Variants in ZSCAN5A observed in about 807,000 individuals in gnomAD.
ZSCAN5A encodes zinc finger and SCAN domain-containing protein 5A.
Under a neutral mutation model 23.7 loss-of-function variants are expected in ZSCAN5A, and 12 were observed. The ratio of observed to expected loss-of-function variants is 0.51; its 90% CI spans 0.32 to 0.82. ZSCAN5A has a LOEUF of 0.82. Ranked by LOEUF, ZSCAN5A falls within the 40% of genes least tolerant of loss-of-function variation. ZSCAN5A has a pLI of 0.03. For synonymous variants in ZSCAN5A, 257 were observed against 239.9 expected, an observed-to-expected ratio of 1.07 and a Z score of -0.66; for missense variants, 597 against 617.9, an observed-to-expected ratio of 0.97 and a Z score of 0.36.
chr19:56,350,540 C>T (rs2041661111), intron 2 of ZSCAN5A, among the ~76,000 whole-genome samples: 1 of 152,188 alleles, frequency 6.6e-6, no homozygotes, highest in African/African-American at 2.4e-5. Context: ...TAAAAATGGC[C>T]TAGGCCTAAA....
intron 2 of ZSCAN5A, among the ~76,000 whole-genome samples, chr19:56,292,866 G>A (rs2039611614): frequency 6.6e-6 from 1 of 152,212 alleles, no homozygotes; most frequent in South Asian, 2.1e-4. Context: ...TGTCCTCAAG[G>A]TTCAGCCACA....
Position 56,223,816 on chromosome 19 carries a change from C to A in ZSCAN5A, c.403G>T (p.Gly135Ter). Residue 135 changes from glycine to a stop codon, truncating the protein, a stop_gained, in exon 4 of 6, where the codon GGA becomes TGA. Coordinates refer to ENST00000683990, the MANE Select transcript of ZSCAN5A (RefSeq NM_001322064.3). LOFTEE classifies it high-confidence loss of function. The part of the protein sequence containing the change: ...PKKWSVVTFH[G>*]KEYIVQDSDI... Reference sequence around the variant, plus strand: ...GAGTCCTGCACAATATATTCCTTTCCGTGGAAGGTGACCACAGACTGTAGA... The same window carrying A: ...GAGTCCTGCACAATATATTCCTTTCAGTGGAAGGTGACCACAGACTGTAGA... 6.2e-7 allele frequency: 1 copy of A among 1,612,616 alleles called. No homozygotes were observed. The highest frequency in any genetic ancestry group is 8.5e-7 in the Non-Finnish European group (1 of 1,179,954).
At chr19:56,298,693 G>T (rs1161712975) in intron 2 of ZSCAN5A, among the ~76,000 whole-genome samples, 2 of 151,106 alleles carry the variant, frequency 1.3e-5, no homozygotes, top group African/African-American at 4.9e-5. Context: ...ATCTATTAAA[G>T]AAATGCCACC....
chr19:56,269,934 T>C (rs892228507), intron 2 of ZSCAN5A, among the ~76,000 whole-genome samples: 1 of 152,202 alleles, frequency 6.6e-6, no homozygotes, highest in Non-Finnish European at 1.5e-5. Flanking sequence ...TCACAAATTT[T>C]ATGGTAATTT....
chr19:56,292,850 GCA>G (rs2039609874), intron 2 of ZSCAN5A, among the ~76,000 whole-genome samples: 1 of 152,184 alleles, frequency 6.6e-6, no homozygotes, highest in South Asian at 2.1e-4. Flanking sequence ...TCATCACTCA[GCA>G]CAGTGTCCTC....
At chr19:56,364,981 T>C (rs1388416587) in intron 1 of ZSCAN5A, 2 of 152,224 alleles carry the variant, frequency 1.3e-5, no homozygotes, top group Non-Finnish European at 2.9e-5. Flanking sequence ...TACATGGGCA[T>C]ACACATCATC....
intron 2 of ZSCAN5A, among the ~76,000 whole-genome samples, chr19:56,322,943 GGAGT>G (rs2041393004): frequency 7.1e-6 from 1 of 140,854 alleles, no homozygotes; most frequent in Admixed American, 7.6e-5. Context: ...CGCCCAGGCT[GGAGT>G]GCAGTGGCGC....
At chr19:56,314,383 A>G (rs537028616) in intron 1 of ZSCAN5A, 1 of 152,344 alleles carries the variant, frequency 6.6e-6, no homozygotes, top group East Asian at 1.9e-4. Flanking sequence ...AGGAAAAAAG[A>G]GTGAATCAAT....
chr19:56,273,172 C>T (rs1200289921), intron 2 of ZSCAN5A, among the ~76,000 whole-genome samples: 3 of 152,192 alleles, frequency 2.0e-5, no homozygotes, highest in East Asian at 1.9e-4. Flanking sequence ...GGAGACACTG[C>T]GTCTGCAAAC....
upstream of ZSCAN5A, among the ~76,000 whole-genome samples, chr19:56,319,385 A>AC (rs940583562): frequency 6.1e-5 from 9 of 148,082 alleles, no homozygotes; most frequent in African/African-American, 2.2e-4. Context: ...AATCCTCACT[A>AC]CCCGGGGGGC....
At position 56,351,976 on chromosome 19, in the gene ZSCAN5A, C is replaced by T. The variant is rs1351048947; in HGVS notation, c.-358+11259G>A. 6.6e-6 allele frequency among the ~76,000 whole-genome samples: 1 copy of T among 152,082 alleles called. No individual in the cohort carries two copies. ...TGAAGATGTCATTACACTTTCTTAC[C>T]CAAAGTCAGGTAGGGAAGTGGGACC... On this transcript the variant is annotated intron_variant, in intron 2 of 6. Transcript: ENST00000587340. This position sits in a 1 kb window ranked among gnomAD's most constrained non-coding sequence, Gnocchi z 4.8.
intron 2 of ZSCAN5A, chr19:56,342,970 T>C: frequency 1.1e-6 from 1 of 913,484 alleles, no homozygotes; most frequent in South Asian, 1.3e-5. Flanking sequence ...TTTTCAAAAA[T>C]ACTTCACTTC....
rs777559748 is a variant in ZSCAN5A at position 56,225,064 on chromosome 19, T to G, written c.-18A>C. 2.6e-5 allele frequency: 41 copies of G among 1,563,586 alleles called. No homozygotes were observed. In the Middle Eastern group the frequency reaches 5.1e-4, roughly 20 times the overall value. The stretch of plus-strand genomic sequence containing the variant: ...GCAGCCATATCTAGTGGAGAATTTT[T>G]TAATCAGTCTCTGAGAAAGCTCTTC... On this transcript the variant is annotated 5_prime_UTR_variant, in exon 3 of 6. Transcript: ENST00000683990.
In ZSCAN5A at chr19:56,263,701, G is replaced by A. The variant is rs375546980; in HGVS notation, c.-127-38528C>T. The A allele has an allele frequency of 2.0e-5, 3 of 152,158 alleles. 1 individual carries two copies. Among genetic ancestry groups the A allele is most frequent in the Admixed American group, 2.0e-4 (3 of 15,280 alleles). The allele number at this position is 152,158 out of a possible 1,614,324, so 9.4% of individuals were successfully genotyped here. On this transcript the variant is annotated intron_variant, in intron 2 of 5. Coordinates refer to ENST00000683990, the MANE Select transcript of ZSCAN5A (RefSeq NM_001322064.3). Reference sequence around the variant, plus strand: ...AAAACATCTGAAAGAAGGGAGGCGAGAGAGGAGAGAATTATGCATTTAAAC... The same window carrying A: ...AAAACATCTGAAAGAAGGGAGGCGAAAGAGGAGAGAATTATGCATTTAAAC...
At chr19:56,339,299 G>C (rs1310926941) in intron 2 of ZSCAN5A, among the ~76,000 whole-genome samples, 2 of 152,256 alleles carry the variant, frequency 1.3e-5, no homozygotes, top group Non-Finnish European at 2.9e-5. Flanking sequence ...CGAAGGAGCG[G>C]CTGTAGCCGC....
chr19:56,302,582 CCTTT>C (rs1345770473), intron 2 of ZSCAN5A, among the ~76,000 whole-genome samples: 12 of 34,388 alleles, frequency 3.5e-4, no homozygotes, highest in African/African-American at 3.4e-3. Flanking sequence ...TCTTCCTCCC[CCTTT>C]TCTTCCTCTC....
In ZSCAN5A at chr19:56,244,489, G is replaced by A. The variant is rs887280917; in HGVS notation, c.-127-19316C>T. ...GCTGGGATGGGGGCTGCACGGTGCAGCTGGACTCGAGAGGACCCGAGGGGC... is the reference window on the plus strand; with the variant it reads ...GCTGGGATGGGGGCTGCACGGTGCAACTGGACTCGAGAGGACCCGAGGGGC... On this transcript the variant is annotated intron_variant, in intron 2 of 5. Coordinates refer to ENST00000683990, the MANE Select transcript of ZSCAN5A (RefSeq NM_001322064.3). 14 of 1,510,156 alleles carry A rather than the reference G, an allele frequency of 9.3e-6. No homozygotes were observed. In the South Asian group the frequency reaches 1.3e-4, roughly 14 times the overall value. The allele number at this position is 1,510,156 out of a possible 1,614,324, so 93.5% of individuals were successfully genotyped here. A position where few individuals can be genotyped will look rare whatever the true frequency, so the allele number is the denominator to read the frequency against.
chr19:56,323,223 C>T (rs755198201), intron 2 of ZSCAN5A, among the ~76,000 whole-genome samples: 8 of 151,682 alleles, frequency 5.3e-5, no homozygotes, highest in Admixed American at 2.0e-4. Flanking sequence ...TTTTGGAGAC[C>T]GGCTTCTTGC....
intron 2 of ZSCAN5A, among the ~76,000 whole-genome samples, chr19:56,350,563 C>A (rs11671109): frequency 5.0e-4 from 76 of 152,242 alleles, no homozygotes; most frequent in African/African-American, 1.7e-3. Context: ...TATTCTCTAA[C>A]GGCAGATTAA....
Sources: allele counts gnomAD v4.1 joint callset (sites outside exome capture counted in the v4.1 genomes callset), GRCh38; gene constraint gnomAD v4.1.1; non-coding constraint Gnocchi (gnomAD v3.1); transcripts MANE v1.5; gene names NCBI Gene and HGNC (gene_info 2026-07-23, HGNC 2026-07-21).